The following TPD52 variants were observed in gnomAD, a reference collection of about 807,000 sequenced individuals.
The protein encoded by TPD52 is tumor protein D52.
Under a neutral mutation model 31.3 loss-of-function variants are expected in TPD52, and 17 were observed. That is an observed-to-expected ratio of 0.54 (90% CI 0.37 to 0.82). TPD52 has a LOEUF of 0.82. TPD52 is among the 40% of genes least tolerant of loss of function. The pLI, the probability that TPD52 is intolerant of heterozygous loss-of-function variation, is 0.00. For missense variants in TPD52, 212 were observed against 240.1 expected, an observed-to-expected ratio of 0.88 and a Z score of 0.77; for synonymous variants, 83 against 89.6, an observed-to-expected ratio of 0.93 and a Z score of 0.42.
chr8:80,138,031 C>T (rs1008766426), intron 1 of TPD52, among the ~76,000 whole-genome samples: 2 of 152,098 alleles, frequency 1.3e-5, no homozygotes, highest in Non-Finnish European at 2.9e-5. Flanking sequence ...TGCAACCTCG[C>T]CTCCCAGGTT....
At chr8:80,103,836 AC>A (rs2130942062) in intron 1 of TPD52, among the ~76,000 whole-genome samples, 1 of 152,224 alleles carries the variant, frequency 6.6e-6, no homozygotes, top group Admixed American at 6.5e-5. Flanking sequence ...TAAGCAAAAG[AC>A]CTCCACTAGG....
intron 1 of TPD52, among the ~76,000 whole-genome samples, chr8:80,153,103 T>A (rs892943579): frequency 2.0e-5 from 3 of 152,216 alleles, no homozygotes; most frequent in Admixed American, 6.5e-5. Flanking sequence ...ACTAGGATTT[T>A]ATTACAAAGA....
chr8:80,094,430 T>TA (rs1816532778), intron 1 of TPD52, among the ~76,000 whole-genome samples: 3 of 53,694 alleles, frequency 5.6e-5, no homozygotes, highest in African/African-American at 9.4e-5. Flanking sequence ...AAAGAAAATT[T>TA]TATATATATA....
At chr8:80,056,287 T>C (rs1313572637) in intron 2 of TPD52, among the ~76,000 whole-genome samples, 2 of 152,218 alleles carry the variant, frequency 1.3e-5, no homozygotes, top group African/African-American at 4.8e-5. Context: ...ATACTGCATG[T>C]TCTTACTCAC....
chr8:80,114,202 G>T (rs1490002605), intron 1 of TPD52, among the ~76,000 whole-genome samples: 2 of 152,260 alleles, frequency 1.3e-5, no homozygotes, highest in East Asian at 3.9e-4. Flanking sequence ...TCGTGCCACT[G>T]CACTCCAGCC....
chr8:80,072,817 A>T (rs1168688566), intron 1 of TPD52, among the ~76,000 whole-genome samples: 2 of 151,236 alleles, frequency 1.3e-5, no homozygotes, highest in Non-Finnish European at 2.9e-5. Context: ...ATATATATAA[A>T]CTTGGCCAGG....
Position 80,037,928 on chromosome 8 carries a change from G to C in TPD52, c.*188C>G, listed in dbSNP as rs1810021527. 1 of 647,472 alleles carries C rather than the reference G, an allele frequency of 1.5e-6. No homozygotes were observed. Among genetic ancestry groups the C allele is most frequent in the East Asian group, 2.8e-5 (1 of 35,558 alleles). 40.1% of individuals were successfully genotyped at this position (647,472 alleles called of 1,614,324 possible). A position where few individuals can be genotyped will look rare whatever the true frequency, so the allele number is the denominator to read the frequency against. On this transcript the variant is annotated 3_prime_UTR_variant, in exon 8 of 8. Transcript: ENST00000518937. The stretch of plus-strand genomic sequence containing the variant: ...AAAGGAACATAAATGTACACTAAAG[G>C]GTGTTTCCCAAGAATAGAGGTGAAG...
chr8:80,061,410 A>T (rs1160764583), intron 2 of TPD52, among the ~76,000 whole-genome samples: 1 of 137,660 alleles, frequency 7.3e-6, no homozygotes, highest in Non-Finnish European at 1.6e-5. Flanking sequence ...CCACAAAAAA[A>T]TCTATTCAAG....
chr8:80,161,733 T>TATA (rs1491187742), intron 1 of TPD52, among the ~76,000 whole-genome samples: 415 of 28,762 alleles, frequency 0.014, 1 homozygote, highest in African/African-American at 0.069. Context: ...TATATATATA[T>TATA]TTTTTTTTTT....
At chr8:80,150,935 G>A (rs1326046995) in intron 1 of TPD52, among the ~76,000 whole-genome samples, 1 of 152,224 alleles carries the variant, frequency 6.6e-6, no homozygotes, top group African/African-American at 2.4e-5. Context: ...GCTTTGCAAT[G>A]TGAGGACATG....
Position 80,136,511 on chromosome 8 carries a change from G to A in TPD52, c.19+34914C>T, listed in dbSNP as rs574007601. On this transcript the variant is annotated intron_variant, in intron 1 of 7. Coordinates refer to ENST00000518937, the MANE Select transcript of TPD52 (RefSeq NM_001025253.3). ...TGCACTCCAGCCTGGGCGACAGAGCGAGACTCTGTCTCAAAAAAAAAAAAA... is the reference window on the plus strand; with the variant it reads ...TGCACTCCAGCCTGGGCGACAGAGCAAGACTCTGTCTCAAAAAAAAAAAAA... Among the ~76,000 whole-genome samples the A allele has an allele frequency of 2.8e-3, 312 of 111,784 alleles. 1 individual carries two copies. Among genetic ancestry groups the A allele is most frequent in the African/African-American group, 0.01 (293 of 28,682 alleles). 73.3% of individuals were successfully genotyped at this position (111,784 alleles called of 152,430 possible). A position where few individuals can be genotyped will look rare whatever the true frequency, so the allele number is the denominator to read the frequency against.
At chr8:80,044,590 C>CACACACAT (rs58875502) in intron 5 of TPD52, among the ~76,000 whole-genome samples, 24,391 of 151,488 alleles carry the variant, frequency 0.16, 6,092 homozygotes, top group African/African-American at 0.54. Flanking sequence ...AGCATGCACA[C>CACACACAT]ACACACATAC....
intron 5 of TPD52, among the ~76,000 whole-genome samples, chr8:80,044,709 T>C (rs1276692989): frequency 1.3e-5 from 2 of 152,180 alleles, no homozygotes; most frequent in Non-Finnish European, 2.9e-5. Flanking sequence ...CAAGGTTACC[T>C]ACTCTTAGCC....
At chr8:80,081,091 C>T (rs1219500023) in intron 1 of TPD52, among the ~76,000 whole-genome samples, 2 of 150,414 alleles carry the variant, frequency 1.3e-5, no homozygotes, top group Non-Finnish European at 3.0e-5. Flanking sequence ...TCCATGATTA[C>T]TTTATCTAAT....
chr8:80,052,720 AGC>A, intron 3 of TPD52: 3 of 1,269,982 alleles, frequency 2.4e-6, no homozygotes, highest in Non-Finnish European at 3.1e-6. Context: ...GCTATATCAT[AGC>A]ATGTGTGGTC....
chr8:80,112,414 T>C (rs376946500), intron 1 of TPD52, among the ~76,000 whole-genome samples: 27 of 152,302 alleles, frequency 1.8e-4, no homozygotes, highest in African/African-American at 6.5e-4. Context: ...GCCTGTGTTC[T>C]TGGCCACTAT....
chr8:80,134,854 AC>A (rs1362970614), intron 1 of TPD52, among the ~76,000 whole-genome samples: 38 of 152,208 alleles, frequency 2.5e-4, no homozygotes, highest in African/African-American at 8.9e-4. Flanking sequence ...AAGACTCCTG[AC>A]TTGTTCCTGA....
At chr8:80,120,050 T>C (rs932039582) in intron 1 of TPD52, among the ~76,000 whole-genome samples, 3 of 152,142 alleles carry the variant, frequency 2.0e-5, no homozygotes, top group Admixed American at 6.6e-5. Flanking sequence ...TATGATAGAA[T>C]AGCACAAGTT....
intron 1 of TPD52, among the ~76,000 whole-genome samples, chr8:80,132,653 A>T (rs1809100929): frequency 1.3e-5 from 2 of 152,180 alleles, no homozygotes; most frequent in African/African-American, 2.4e-5. Flanking sequence ...GGGCAGGTGG[A>T]CCCAGAGAAT....
Sources: allele counts gnomAD v4.1 joint callset (sites outside exome capture counted in the v4.1 genomes callset), GRCh38; gene constraint gnomAD v4.1.1; transcripts MANE v1.5; gene names NCBI Gene and HGNC (gene_info 2026-07-23, HGNC 2026-07-21).